The following PARD3B variants were observed in gnomAD, a reference collection of about 807,000 sequenced individuals.
PARD3B encodes the protein par-3 family cell polarity regulator beta, also known as partitioning defective 3 homolog B.
Under a neutral mutation model 130.2 loss-of-function variants are expected in PARD3B, and 103 were observed. The ratio of observed to expected loss-of-function variants is 0.79; its 90% confidence interval spans 0.67 to 0.93. The LOEUF is 0.93. PARD3B is among the 40% of genes least tolerant of loss of function. The probability of loss-of-function intolerance (pLI) is 0.00; values close to 1 mark genes in which losing one functional copy is unlikely to be tolerated. For missense variants in PARD3B, 1,609 were observed against 1,499.2 expected, an observed-to-expected ratio of 1.07 and a Z score of -1.21; for synonymous variants, 583 against 553.2, an observed-to-expected ratio of 1.05 and a Z score of -0.76.
chr2:205,421,004 G>T lies in PARD3B; in HGVS notation c.2742-19366G>T, dbSNP rs1010625846. ...AAAAATACAAAAATTAGCTGGATGT[G>T]GTGGGGCGTGCCCATAGTCCCAGCT... On this transcript the variant is annotated intron_variant, in intron 19 of 22. Coordinates refer to ENST00000406610, the MANE Select transcript of PARD3B (RefSeq NM_001302769.2). This position sits in a 1 kb window ranked among gnomAD's most constrained non-coding sequence, Gnocchi z 5.1. Among the ~76,000 whole-genome samples the T allele has an allele frequency of 6.6e-6, 1 of 152,140 alleles. No individual in the cohort carries two copies. The highest frequency in any genetic ancestry group is 2.4e-5 in the African/African-American group (1 of 41,414).
At chr2:205,009,690 G>T (rs555209145) in intron 3 of PARD3B, among the ~76,000 whole-genome samples, 45 of 150,602 alleles carry the variant, frequency 3.0e-4, no homozygotes, top group Non-Finnish European at 5.5e-4. Flanking sequence ...AAAAAAAATA[G>T]TGTACACACC....
intron 2 of PARD3B, among the ~76,000 whole-genome samples, chr2:204,722,737 G>A (rs2039054355): frequency 6.6e-6 from 1 of 152,144 alleles, no homozygotes; most frequent in African/African-American, 2.4e-5. Context: ...AAATTCACAA[G>A]TTATGAAGTT....
rs144367330 is a variant in PARD3B, at chr2:205,443,031, A to C, written c.3044+2359A>C. On this transcript the variant is annotated intron_variant, in intron 20 of 22. Coordinates refer to ENST00000406610, the MANE Select transcript of PARD3B (RefSeq NM_001302769.2). ...TTATCTTTATCCTGCTCTTATCTTTAATTATGCTTAAAGACTGCCCTGCTC... is the reference window on the plus strand; with the variant it reads ...TTATCTTTATCCTGCTCTTATCTTTCATTATGCTTAAAGACTGCCCTGCTC... Among the ~76,000 whole-genome samples the C allele has an allele frequency of 5.9e-5, 9 of 152,272 alleles. No individual in the cohort carries two copies. In the East Asian group the frequency reaches 1.7e-3, roughly 29 times the overall value.
chr2:205,206,888 C>T (rs945625301), intron 15 of PARD3B, among the ~76,000 whole-genome samples: 8 of 149,844 alleles, frequency 5.3e-5, no homozygotes, highest in African/African-American at 1.2e-4. Flanking sequence ...CTACAGAACT[C>T]TCCACCCCAA....
At chr2:205,075,233 T>A (rs1014348293) in intron 4 of PARD3B, among the ~76,000 whole-genome samples, 1 of 152,174 alleles carries the variant, frequency 6.6e-6, no homozygotes, top group Non-Finnish European at 1.5e-5. Context: ...AGTGAAGGAA[T>A]GTTTGAGAGC....
chr2:205,525,509 T>C lies in PARD3B; in HGVS notation c.3180+25478T>C, dbSNP rs768346180. Among the ~76,000 whole-genome samples the C allele has an allele frequency of 1.6e-4, 25 of 152,308 alleles. No individual in the cohort carries two copies. The highest frequency in any genetic ancestry group is 2.8e-4 in the Non-Finnish European group (19 of 68,034). On this transcript the variant is annotated intron_variant, in intron 21 of 22. Transcript: ENST00000406610. The surrounding 1 kb of genome is among the most constrained non-coding windows in gnomAD (Gnocchi z 4.2). ...GTTTAATTTTTTCTGTCAACGTGCA[T>C]TGTTGTAATTATTAAAGATAAAAAA...
chr2:205,102,679 T>C (rs1702864494), intron 4 of PARD3B, among the ~76,000 whole-genome samples: 1 of 152,192 alleles, frequency 6.6e-6, no homozygotes, highest in Non-Finnish European at 1.5e-5. Context: ...CTGCATGAAA[T>C]GTTGCTACTC....
At chr2:205,013,910 C>A (rs943252330) in intron 3 of PARD3B, among the ~76,000 whole-genome samples, 1 of 152,114 alleles carries the variant, frequency 6.6e-6, no homozygotes, top group Non-Finnish European at 1.5e-5. Context: ...ATTTGAGAAC[C>A]AAGGTGTCAC....
At chr2:205,357,053 TGTG>T (rs1303831760) in intron 18 of PARD3B, among the ~76,000 whole-genome samples, 1 of 152,210 alleles carries the variant, frequency 6.6e-6, no homozygotes, top group Non-Finnish European at 1.5e-5. Flanking sequence ...TCTGCTCCAC[TGTG>T]GTGTTTTCTG....
At chr2:205,594,063 A>G (rs1007500803) in intron 22 of PARD3B, among the ~76,000 whole-genome samples, 8 of 152,190 alleles carry the variant, frequency 5.3e-5, no homozygotes, top group African/African-American at 1.9e-4. Flanking sequence ...AAGGGCAGCA[A>G]CGTGAGCTGA....
At chr2:204,778,249 G>C (rs766824606) in intron 2 of PARD3B, among the ~76,000 whole-genome samples, 3 of 151,870 alleles carry the variant, frequency 2.0e-5, no homozygotes, top group Non-Finnish European at 4.4e-5. Flanking sequence ...TGCCAACTTG[G>C]ATGTTATCAT....
At chr2:205,526,208 G>A (rs921609023) in intron 21 of PARD3B, among the ~76,000 whole-genome samples, 27 of 152,096 alleles carry the variant, frequency 1.8e-4, no homozygotes, top group African/African-American at 6.3e-4. Context: ...TTTTATCCCT[G>A]TCCCTCTGTG....
intron 20 of PARD3B, among the ~76,000 whole-genome samples, chr2:205,466,383 T>C (rs2048624399): frequency 6.6e-6 from 1 of 152,122 alleles, no homozygotes; most frequent in Non-Finnish European, 1.5e-5. Flanking sequence ...GGGTATGACA[T>C]TTTTTGGGTC....
chr2:205,528,954 A>G (rs2051459733), intron 21 of PARD3B, among the ~76,000 whole-genome samples: 1 of 152,188 alleles, frequency 6.6e-6, no homozygotes, highest in South Asian at 2.1e-4. Flanking sequence ...GTATTTTTGT[A>G]GATTAAGTCA....
intron 2 of PARD3B, among the ~76,000 whole-genome samples, chr2:204,893,252 T>G (rs944986594): frequency 6.6e-6 from 1 of 152,144 alleles, no homozygotes; most frequent in African/African-American, 2.4e-5. Flanking sequence ...TTTGACAAGT[T>G]GGAGGTCACT....
At chr2:205,557,467 G>A (rs1423486944) in intron 22 of PARD3B, among the ~76,000 whole-genome samples, 1 of 152,168 alleles carries the variant, frequency 6.6e-6, no homozygotes, top group Non-Finnish European at 1.5e-5. Flanking sequence ...CTGCAGCTCA[G>A]AGTCCTGCAT....
intron 2 of PARD3B, among the ~76,000 whole-genome samples, chr2:204,780,407 T>C (rs2041793786): frequency 6.6e-6 from 1 of 152,180 alleles, no homozygotes. Context: ...TCGGTTATCA[T>C]CTAGAAAGAA....
intron 2 of PARD3B, among the ~76,000 whole-genome samples, chr2:204,819,570 A>G (rs1272335253): frequency 6.6e-6 from 1 of 152,208 alleles, no homozygotes; most frequent in Admixed American, 6.5e-5. Flanking sequence ...AGGAAGAGTC[A>G]TACATCTCTC....
chr2:205,493,719 TG>T (rs1282823801), intron 20 of PARD3B, among the ~76,000 whole-genome samples: 98 of 3,764 alleles, frequency 0.026, 2 homozygotes, highest in Non-Finnish European at 0.21. Context: ...TTTTCATTTA[TG>T]TATGTATTTA....
Sources: gnomAD v4.1 joint callset for allele counts (sites outside exome capture counted in the v4.1 genomes callset) on GRCh38, gnomAD v4.1.1 for gene constraint, Gnocchi (gnomAD v3.1) non-coding constraint, MANE v1.5 for transcripts, NCBI Gene and HGNC (gene_info 2026-07-23, HGNC 2026-07-21) for gene names.